The following RABGAP1 variants were observed in gnomAD, a reference collection of about 807,000 sequenced individuals.
The protein encoded by RABGAP1 is rab GTPase-activating protein 1.
A neutral mutation model predicts 137.6 loss-of-function variants in RABGAP1; 23 were observed. That is an observed-to-expected ratio of 0.17 (90% CI 0.12 to 0.24). The LOEUF (loss-of-function observed/expected upper bound fraction) is 0.24. Among genes scored for constraint, RABGAP1 ranks in the 10% least tolerant of loss-of-function variants. The pLI is 1.00. For synonymous variants in RABGAP1, 451 were observed against 450.7 expected (o/e 1.00, Z -0.01); for missense variants, 906 against 1,275.8 (o/e 0.71, Z 4.42).
chr9:123,023,209 C>T (rs1309341128), intron 13 of RABGAP1, among the ~76,000 whole-genome samples: 1 of 152,080 alleles, frequency 6.6e-6, no homozygotes, highest in East Asian at 1.9e-4. Flanking sequence ...GAGATGGAGT[C>T]TTGCCCTGTC....
At chr9:122,982,311 A>G (rs1836111904) in intron 2 of RABGAP1, among the ~76,000 whole-genome samples, 1 of 152,238 alleles carries the variant, frequency 6.6e-6, no homozygotes, top group Admixed American at 6.5e-5. Flanking sequence ...GTAGGGAAGA[A>G]TGCAAGATAA....
chr9:122,966,058 A>G (rs2131663090), intron 2 of RABGAP1, among the ~76,000 whole-genome samples: 1 of 152,282 alleles, frequency 6.6e-6, no homozygotes, highest in Non-Finnish European at 1.5e-5. Context: ...CTGAGATGGG[A>G]AAGAGAAAGG....
rs759057876 is a variant in RABGAP1, at chr9:123,097,789, C to G, written c.2677C>G (p.Gln893Glu). The change falls in exon 22 of 26, where the codon CAG becomes GAG. Residue 893 changes from glutamine to glutamate, a missense_variant. Transcript: ENST00000373647. ...GAATAAGGAGCTGCTGATGACCAAA[C>G]AGAAGTTGATTGATGCAGAAGAAGA... ...ALNKELLMTK[Q>E]KLIDAEEEKR... 4.3e-6 allele frequency: 7 copies of G among 1,613,782 alleles called. No homozygotes were observed. In the African/African-American group the frequency reaches 6.7e-5, roughly 15 times the overall value.
At chr9:123,061,094 A>C (rs1170926919) in intron 13 of RABGAP1, among the ~76,000 whole-genome samples, 1 of 152,118 alleles carries the variant, frequency 6.6e-6, no homozygotes, top group Admixed American at 6.5e-5. Context: ...TTTGCCTCTC[A>C]CTTTTGTTTA....
the RABGAP1 span, among the ~76,000 whole-genome samples, chr9:122,933,313 T>C: frequency 6.6e-6 from 1 of 151,986 alleles, no homozygotes; most frequent in South Asian, 2.1e-4. Context: ...AATGAGCCTT[T>C]TATTAATATA....
At chr9:123,027,556 G>A (rs1368059912) in intron 13 of RABGAP1, among the ~76,000 whole-genome samples, 1 of 152,176 alleles carries the variant, frequency 6.6e-6, no homozygotes, top group African/African-American at 2.4e-5. Context: ...CTTCTGTCTG[G>A]TAGGTTTGTA....
At chr9:122,940,550 A>G (rs1833487230), upstream of RABGAP1, among the ~76,000 whole-genome samples, 1 of 152,216 alleles carries the variant, frequency 6.6e-6, no homozygotes, top group African/African-American at 2.4e-5. Flanking sequence ...AACCATCACA[A>G]TCCCTGACAC....
the RABGAP1 span, among the ~76,000 whole-genome samples, chr9:122,931,728 C>T: frequency 2.3e-4 from 35 of 152,330 alleles, no homozygotes; most frequent in African/African-American, 8.2e-4. Context: ...CCCCGAGGTG[C>T]CTTAGCTCGT....
intron 13 of RABGAP1, among the ~76,000 whole-genome samples, chr9:123,064,561 C>G (rs1227214003): frequency 6.6e-6 from 1 of 152,204 alleles, no homozygotes; most frequent in Admixed American, 6.5e-5. Context: ...GGAATCAACT[C>G]TATTGTCTTA....
Position 123,089,868 on chromosome 9 carries a change from C to T in RABGAP1, c.2517+18C>T. 1 of 1,600,186 alleles carries T rather than the reference C, an allele frequency of 6.2e-7. No individual in the cohort carries two copies. The highest frequency in any genetic ancestry group is 8.6e-7 in the Non-Finnish European group (1 of 1,168,392). ...GATTTGAGGTTTGTTTGCTTATGGC[C>T]TACGTGTGAGGAGCTCCCATGCTTT... On this transcript the variant is annotated intron_variant, in intron 20 of 25. Coordinates refer to ENST00000373647, the MANE Select transcript of RABGAP1 (RefSeq NM_012197.4).
intron 4 of RABGAP1, among the ~76,000 whole-genome samples, chr9:122,988,525 T>G (rs1368865018): frequency 6.7e-6 from 1 of 148,824 alleles, no homozygotes; most frequent in Admixed American, 6.8e-5. Context: ...GGAGTTAACA[T>G]TTTGTATAAT....
At chr9:123,090,153 T>C (rs1304243323) in intron 20 of RABGAP1, 122 bp from the exon 21 acceptor site, 1 of 724,684 alleles carries the variant, frequency 1.4e-6, no homozygotes, top group African/African-American at 1.8e-5. Flanking sequence ...ACACATCAGG[T>C]CCAGCCATTT....
At chr9:123,020,699 C>A (rs974346761) in intron 13 of RABGAP1, among the ~76,000 whole-genome samples, 21 of 152,104 alleles carry the variant, frequency 1.4e-4, no homozygotes, top group African/African-American at 4.6e-4. Context: ...TATCCAGATT[C>A]TTTTTTGAGT....
At chr9:122,968,013 C>T (rs1256598620) in intron 2 of RABGAP1, among the ~76,000 whole-genome samples, 4 of 152,050 alleles carry the variant, frequency 2.6e-5, no homozygotes, top group Admixed American at 6.6e-5. Flanking sequence ...CAGGTGTGAG[C>T]CACCATGCCC....
chr9:122,969,846 G>T (rs1835381285), intron 2 of RABGAP1, among the ~76,000 whole-genome samples: 1 of 152,128 alleles, frequency 6.6e-6, no homozygotes, highest in Non-Finnish European at 1.5e-5. Flanking sequence ...GATTACAGTT[G>T]TGAGCCACCA....
chr9:123,025,155 A>C (rs2131951289), intron 13 of RABGAP1, among the ~76,000 whole-genome samples: 1 of 152,202 alleles, frequency 6.6e-6, no homozygotes. Context: ...CAGTTGTGCT[A>C]CTCCTATTTT....
At chr9:123,003,083 A>C (rs1205457686) in intron 10 of RABGAP1, among the ~76,000 whole-genome samples, 1 of 152,312 alleles carries the variant, frequency 6.6e-6, no homozygotes, top group African/African-American at 2.4e-5. Flanking sequence ...CGCTGTCTTA[A>C]AGCATTTAGA....
intron 21 of RABGAP1, among the ~76,000 whole-genome samples, chr9:123,093,984 A>G (rs916037861): frequency 1.3e-5 from 2 of 152,158 alleles, no homozygotes; most frequent in Non-Finnish European, 2.9e-5. Context: ...TTCAATTTAC[A>G]AGACGTGCAT....
At position 122,952,562 on chromosome 9, in the gene RABGAP1, C is replaced by G. The variant is rs144453017; in HGVS notation, c.-49-4449C>G. On this transcript the variant is annotated intron_variant, in intron 1 of 25. Coordinates refer to ENST00000373647, the MANE Select transcript of RABGAP1 (RefSeq NM_012197.4). Reference sequence around the variant, plus strand: ...GGATTACAGATGTGAGTCACTGTGCCTGGCTGATAAATTTTTTTAAAAAAT... The same window carrying G: ...GGATTACAGATGTGAGTCACTGTGCGTGGCTGATAAATTTTTTTAAAAAAT... Among the ~76,000 whole-genome samples, 704 of 152,204 alleles carry G rather than the reference C, an allele frequency of 4.6e-3. 18 individuals are homozygous for G. In the East Asian group the frequency reaches 0.062, roughly 13 times the overall value.
Sources: gnomAD v4.1 joint callset for allele counts (sites outside exome capture counted in the v4.1 genomes callset) on GRCh38, gnomAD v4.1.1 for gene constraint, MANE v1.5 for transcripts, NCBI Gene and HGNC (gene_info 2026-07-23, HGNC 2026-07-21) for gene names.